Variants in YAF2 observed in about 807,000 individuals in gnomAD.
YAF2 encodes the protein YY1 associated factor 2.
YAF2 carries 7 observed loss-of-function variants against 20.1 expected under a neutral mutation model. The observed-to-expected ratio is 0.35, with a 90% CI of 0.20 to 0.65. YAF2 has a LOEUF of 0.65. Among genes scored for constraint, YAF2 ranks in the 30% least tolerant of loss-of-function variants. The pLI is 0.69. For synonymous variants in YAF2, 74 were observed against 76.0 expected (o/e 0.97, Z 0.14); for missense variants, 151 against 219.2 (o/e 0.69, Z 1.96).
At chr12:42,184,172 G>A (rs2066414293) in intron 2 of YAF2, among the ~76,000 whole-genome samples, 1 of 152,094 alleles carries the variant, frequency 6.6e-6, no homozygotes, top group African/African-American at 2.4e-5. Context: ...AAATATTACT[G>A]CTCTTTAATA....
At chr12:42,205,711 A>G (rs138994249) in intron 2 of YAF2, among the ~76,000 whole-genome samples, 5 of 152,074 alleles carry the variant, frequency 3.3e-5, no homozygotes, top group African/African-American at 2.4e-5. Context: ...TTCTGTTTTC[A>G]TTTTTATTAT....
intron 2 of YAF2, among the ~76,000 whole-genome samples, chr12:42,201,459 T>A (rs1196204413): frequency 1.3e-5 from 2 of 152,250 alleles, no homozygotes; most frequent in Non-Finnish European, 2.9e-5. Context: ...TCATTTTATG[T>A]GTATCATCTT....
In YAF2 at chr12:42,170,675, T is replaced by TACAC. The variant is rs142651413; in HGVS notation, c.153-8914_153-8911dup. ...AAACAAACAAACAAACAAAAAACTATACACACACACACACACACAAATTAG... is the reference window on the plus strand; with the variant it reads ...AAACAAACAAACAAACAAAAAACTATACACACACACACACACACACACAAATTAG... On this transcript the variant is annotated intron_variant, in intron 2 of 3. Transcript: ENST00000534854. 5.2e-3 allele frequency among the ~76,000 whole-genome samples: 787 copies of TACAC among 150,812 alleles called. 6 individuals carry two copies. Among genetic ancestry groups the TACAC allele is most frequent in the African/African-American group, 0.018 (749 of 41,114 alleles).
intron 2 of YAF2, among the ~76,000 whole-genome samples, chr12:42,226,775 G>A (rs977585184): frequency 1.3e-5 from 2 of 152,134 alleles, no homozygotes; most frequent in Admixed American, 6.5e-5. Flanking sequence ...GAAAAGCAAC[G>A]CCAGGTGTCA....
chr12:42,236,796 TAAGAATC>T (rs2068173989), intron 2 of YAF2, among the ~76,000 whole-genome samples: 1 of 152,198 alleles, frequency 6.6e-6, no homozygotes, highest in Non-Finnish European at 1.5e-5. Flanking sequence ...TACCTTCGTA[TAAGAATC>T]AAGGAGCTCG....
intron 2 of YAF2, among the ~76,000 whole-genome samples, chr12:42,200,374 A>G (rs2066866460): frequency 6.6e-6 from 1 of 152,200 alleles, no homozygotes; most frequent in South Asian, 2.1e-4. Context: ...CCTTAAAGAG[A>G]GAGGCTGAAA....
intron 2 of YAF2, among the ~76,000 whole-genome samples, chr12:42,220,786 A>G (rs1476832658): frequency 2.0e-5 from 3 of 152,210 alleles, no homozygotes; most frequent in African/African-American, 7.2e-5. Context: ...CATATGTCTA[A>G]AAATTGTCAG....
intron 2 of YAF2, among the ~76,000 whole-genome samples, chr12:42,200,150 T>C (rs2066860135): frequency 6.6e-6 from 1 of 152,350 alleles, no homozygotes; most frequent in East Asian, 1.9e-4. Flanking sequence ...TTACAGAGTT[T>C]ACACTCTGGT....
chr12:42,223,760 C>A (rs947653979), intron 2 of YAF2, among the ~76,000 whole-genome samples: 1 of 150,262 alleles, frequency 6.7e-6, no homozygotes, highest in Non-Finnish European at 1.5e-5. Flanking sequence ...TCATTCTCAG[C>A]AAACTAACAC....
chr12:42,163,036 A>G (rs1376528830), intron 2 of YAF2, among the ~76,000 whole-genome samples: 1 of 152,194 alleles, frequency 6.6e-6, no homozygotes, highest in Non-Finnish European at 1.5e-5. Context: ...AGAATCACCA[A>G]GAAGGCTTGT....
intron 2 of YAF2, among the ~76,000 whole-genome samples, chr12:42,228,723 G>C (rs1592059701): frequency 1.3e-5 from 1 of 78,240 alleles, no homozygotes; most frequent in African/African-American, 6.5e-5. Flanking sequence ...GCCTCTGCCC[G>C]GCCGCCCCTA....
intron 2 of YAF2, among the ~76,000 whole-genome samples, chr12:42,226,151 A>G (rs1004636819): frequency 6.6e-6 from 1 of 152,302 alleles, no homozygotes; most frequent in South Asian, 2.1e-4. Flanking sequence ...GGAATATACA[A>G]TATATTTCTT....
At chr12:42,231,972 G>A (rs569543088) in intron 2 of YAF2, 4 of 152,242 alleles carry the variant, frequency 2.6e-5, no homozygotes, top group Non-Finnish European at 5.9e-5. Context: ...TAAAAATGAT[G>A]CTCTATGACA....
chr12:42,204,397 A>G (rs1247291535), intron 2 of YAF2, among the ~76,000 whole-genome samples: 1 of 152,200 alleles, frequency 6.6e-6, no homozygotes, highest in African/African-American at 2.4e-5. Flanking sequence ...TTGTGCCTCT[A>G]CTATGTACAG....
intron 2 of YAF2, among the ~76,000 whole-genome samples, chr12:42,215,839 T>C (rs1284068391): frequency 1.3e-5 from 2 of 152,006 alleles, no homozygotes; most frequent in African/African-American, 4.8e-5. Flanking sequence ...GGAGAATCAC[T>C]TGAAACCAGG....
At chr12:42,218,769 T>C (rs2067432700) in intron 2 of YAF2, among the ~76,000 whole-genome samples, 1 of 152,204 alleles carries the variant, frequency 6.6e-6, no homozygotes, top group South Asian at 2.1e-4. Flanking sequence ...CTGTAAATTA[T>C]AATGCTCATT....
At chr12:42,162,656 G>A (rs938671623) in intron 2 of YAF2, among the ~76,000 whole-genome samples, 2 of 152,080 alleles carry the variant, frequency 1.3e-5, no homozygotes, top group African/African-American at 4.8e-5. Flanking sequence ...CCCTTTTTTG[G>A]TTAGTACAGT....
At chr12:42,182,025 T>TTTCATGTTGAATAA (rs2066354727) in intron 2 of YAF2, among the ~76,000 whole-genome samples, 1 of 152,166 alleles carries the variant, frequency 6.6e-6, no homozygotes, top group Non-Finnish European at 1.5e-5. Context: ...TTTTGAATAA[T>TTTCATGTTGAATAA]TTTCAACATG....
chr12:42,226,957 T>A (rs1021266935), intron 2 of YAF2, among the ~76,000 whole-genome samples: 35 of 149,476 alleles, frequency 2.3e-4, no homozygotes, highest in African/African-American at 8.0e-4. Flanking sequence ...TTGGCGCGGC[T>A]GCGCTGCGGC....
Sources: allele counts gnomAD v4.1 joint callset (sites outside exome capture counted in the v4.1 genomes callset), GRCh38; gene constraint gnomAD v4.1.1; transcripts MANE v1.5; gene names NCBI Gene and HGNC (gene_info 2026-07-23, HGNC 2026-07-21).